ACKR4: variants seen among roughly 807,000 people sequenced by gnomAD.
The protein encoded by ACKR4 is atypical chemokine receptor 4, also known as C-C CKR-11.
ACKR4 carries 2 observed loss-of-function variants against 8.5 expected under a neutral mutation model. That is an observed-to-expected ratio of 0.23 (90% CI 0.10 to 0.74). ACKR4 has a LOEUF of 0.74. ACKR4 is among the 30% of genes least tolerant of loss of function. ACKR4 has a pLI of 0.75. For synonymous variants in ACKR4, 67 were observed against 145.0 expected, an observed-to-expected ratio of 0.46 and a Z score of 3.86; for missense variants, 167 against 422.1, an observed-to-expected ratio of 0.40 and a Z score of 5.30.
At chr3:132,599,439 G>A (rs768330667) in intron 1 of ACKR4, among the ~76,000 whole-genome samples, 7 of 151,886 alleles carry the variant, frequency 4.6e-5, no homozygotes, top group East Asian at 1.9e-4. Flanking sequence ...CCCGGGAGGC[G>A]GAGGTTGCAG....
intron 1 of ACKR4, among the ~76,000 whole-genome samples, chr3:132,598,786 T>C (rs1200754786): frequency 6.6e-6 from 1 of 151,704 alleles, no homozygotes; most frequent in Non-Finnish European, 1.5e-5. Flanking sequence ...GGACACAGAG[T>C]AGGGAGAGGT....
At chr3:132,599,611 AGAG>A (rs1466855065) in intron 1 of ACKR4, among the ~76,000 whole-genome samples, 5 of 152,288 alleles carry the variant, frequency 3.3e-5, no homozygotes, top group East Asian at 1.9e-4. Context: ...GTGCAGATTA[AGAG>A]GAGAAGACAG....
rs1470251450 is a variant in ACKR4, at chr3:132,602,266, T to G, written c.*816T>G. On this transcript the variant is annotated 3_prime_UTR_variant, in exon 2 of 2. Coordinates refer to ENST00000249887, the MANE Select transcript of ACKR4 (RefSeq NM_016557.4). ...TCCTGGTAAGTTCCTAAAGACATAA[T>G]TTGCTTCTATGATGTCAACTTTCTT... 6.0e-6 allele frequency: 1 copy of G among 166,960 alleles called. No individual in the cohort carries two copies. The highest frequency in any genetic ancestry group is 2.4e-5 in the African/African-American group (1 of 41,418). 10.3% of individuals were successfully genotyped at this position (166,960 alleles called of 1,614,324 possible).
Position 132,600,718 on chromosome 3 carries a change from A to C in ACKR4, c.321A>C (p.Leu107Phe). 1 of 1,613,948 alleles carries C rather than the reference A, an allele frequency of 6.2e-7. No individual in the cohort carries two copies. The highest frequency in any genetic ancestry group is 8.5e-7 in the Non-Finnish European group (1 of 1,179,864). ...TTAATGCAGTTCATGGGTGGGTTTTAGGGAAAATAATGTGCAAAATAACTT... is the reference window on the plus strand; with the variant it reads ...TTAATGCAGTTCATGGGTGGGTTTTCGGGAAAATAATGTGCAAAATAACTT... Reference protein sequence around the residue: ...WAVNAVHGWVLGKIMCKITSA... With the variant: ...WAVNAVHGWVFGKIMCKITSA... Residue 107 changes from leucine (L) to phenylalanine (F), a missense_variant, in exon 2 of 2, where the codon TTA (leucine) becomes TTC (phenylalanine). By Grantham distance (22) the Leu-to-Phe change is conservative. Coordinates refer to ENST00000249887, the MANE Select transcript of ACKR4 (RefSeq NM_016557.4).
rs140846310 is a variant in ACKR4, at chr3:132,599,616, AGAAGACAGATTCAAGACCTACTTG to A, written c.-9-768_-9-745del. ...GTGTGGAAGAGTGCAGATTAAGAGG[AGAAGACAGATTCAAGACCTACTTG>A]GAAGGCAGAATCAGAACTTGGGAAC... On this transcript the variant is annotated intron_variant, in intron 1 of 1. Transcript: ENST00000249887. Among the ~76,000 whole-genome samples the A allele has an allele frequency of 5.9e-3, 896 of 152,308 alleles. 7 individuals carry two copies. The highest frequency in any genetic ancestry group is 0.02 in the African/African-American group (837 of 41,582).
In ACKR4 at chr3:132,600,655, A is replaced by G. The variant is rs1322219749; in HGVS notation, c.258A>G (p.Ala86=). ...TDVYILNLAV[A]DLLLLFTLPF... is the part of the protein sequence containing the mutation. ...TGTACATCCTGAATTTGGCTGTAGC[A>G]GATTTACTCCTTCTATTCACTCTGC... Residue 86 remains alanine, a synonymous_variant, in exon 2 of 2, where the codon GCA becomes GCG. Coordinates refer to ENST00000249887, the MANE Select transcript of ACKR4 (RefSeq NM_016557.4). 2 of 1,613,728 alleles carry G rather than the reference A, an allele frequency of 1.2e-6. No homozygotes were observed. Among genetic ancestry groups the G allele is most frequent in the Admixed American group, 3.3e-5 (2 of 60,002 alleles).
chr3:132,598,334 C>T (rs1354194015), intron 1 of ACKR4, among the ~76,000 whole-genome samples: 1 of 152,188 alleles, frequency 6.6e-6, no homozygotes, highest in Non-Finnish European at 1.5e-5. Flanking sequence ...ACAATGTTGA[C>T]ATAGAAGATT....
intron 1 of ACKR4, among the ~76,000 whole-genome samples, chr3:132,599,017 G>C (rs1938446558): frequency 6.6e-6 from 1 of 152,156 alleles, no homozygotes; most frequent in Non-Finnish European, 1.5e-5. Flanking sequence ...CTATCAGTTA[G>C]AAAGATACTG....
intron 1 of ACKR4, among the ~76,000 whole-genome samples, chr3:132,597,534 C>T (rs1938370380): frequency 6.6e-6 from 1 of 151,404 alleles, no homozygotes. Flanking sequence ...ATTTTAAATG[C>T]CATTACTTGT....
At chr3:132,599,975 G>GAT (rs1319266624) in intron 1 of ACKR4, among the ~76,000 whole-genome samples, 4 of 151,892 alleles carry the variant, frequency 2.6e-5, no homozygotes, top group Admixed American at 2.6e-4. Context: ...ATTTGTTGTA[G>GAT]ATATACTTTT....
At position 132,602,217 on chromosome 3, in the gene ACKR4, C is replaced by T. The variant is rs1938639949; in HGVS notation, c.*767C>T. On this transcript the variant is annotated 3_prime_UTR_variant, in exon 2 of 2. Coordinates refer to ENST00000249887, the MANE Select transcript of ACKR4 (RefSeq NM_016557.4). ...TAAAAAAAAAACAAACTATAATAAG[C>T]TTTTCTGATTCTTTTCAAAACATTC... The T allele has an allele frequency of 6.0e-6, 1 of 166,430 alleles. No individual in the cohort carries two copies. The highest frequency in any genetic ancestry group is 1.5e-5 in the Non-Finnish European group (1 of 68,004). The allele number at this position is 166,430 out of a possible 1,614,324, so 10.3% of individuals were successfully genotyped here.
chr3:132,600,604 C>A lies in ACKR4; in HGVS notation c.207C>A (p.Tyr69Ter). Residue 69 changes from tyrosine (Y) to a stop codon, truncating the protein, a stop_gained, in exon 2 of 2, where the codon TAC (tyrosine) becomes TAA (stop). Transcript: ENST00000249887. LOFTEE classifies it low-confidence loss of function (END_TRUNC). Reference sequence around the variant, plus strand: ...TGGTAGTGGCAATTTATGCCTATTACAAGAAACAGAGAACCAAAACAGATG... The same window carrying A: ...TGGTAGTGGCAATTTATGCCTATTAAAAGAAACAGAGAACCAAAACAGATG... The part of the protein sequence containing the change: ...NSMVVAIYAY[Y>*]KKQRTKTDVY... 1 of 1,613,762 alleles carries A rather than the reference C, an allele frequency of 6.2e-7. No individual in the cohort carries two copies. The highest frequency in any genetic ancestry group is 1.1e-5 in the South Asian group (1 of 91,052).
chr3:132,600,454 T>C lies in ACKR4; in HGVS notation c.57T>C (p.Asn19=). 6.2e-7 allele frequency: 1 copy of C among 1,612,072 alleles called. No homozygotes were observed. Among genetic ancestry groups the C allele is most frequent in the Non-Finnish European group, 8.5e-7 (1 of 1,179,080 alleles). Residue 19 remains asparagine (N), a synonymous_variant, in exon 2 of 2, where the codon AAT becomes AAC. Transcript: ENST00000249887. ...ATTATTATGAGGAAAATGAAATGAATGGCACTTATGACTACAGTCAATATG... is the reference window on the plus strand; with the variant it reads ...ATTATTATGAGGAAAATGAAATGAACGGCACTTATGACTACAGTCAATATG... ...TDYYYEENEM[N]GTYDYSQYEL... is the part of the protein sequence containing the mutation.
At chr3:132,598,895 G>A (rs924142016) in intron 1 of ACKR4, among the ~76,000 whole-genome samples, 1 of 152,212 alleles carries the variant, frequency 6.6e-6, no homozygotes, top group African/African-American at 2.4e-5. Flanking sequence ...GTGTCTTCCA[G>A]ATGAGGAACA....
chr3:132,600,861 G>A lies in ACKR4; in HGVS notation c.464G>A (p.Trp155Ter), dbSNP rs554699378. The A allele has an allele frequency of 5.9e-5, 95 of 1,613,996 alleles. 1 individual carries two copies. In the South Asian group the frequency reaches 1.0e-3, roughly 17 times the overall value. ...CAATCAGGAGTGGGAAAACCATGCTGGATCATCTGTTTCTGTGTCTGGATG... is the reference window on the plus strand; with the variant it reads ...CAATCAGGAGTGGGAAAACCATGCTAGATCATCTGTTTCTGTGTCTGGATG... ...PSQSGVGKPC[W>*]IICFCVWMAA... The change falls in exon 2 of 2, where the codon TGG (tryptophan) becomes TAG (stop). Residue 155 changes from tryptophan to a stop codon, truncating the protein, a stop_gained. Transcript: ENST00000249887. LOFTEE classifies it low-confidence loss of function (END_TRUNC).
chr3:132,597,834 A>G (rs529653770), intron 1 of ACKR4, among the ~76,000 whole-genome samples: 2 of 152,246 alleles, frequency 1.3e-5, no homozygotes, highest in South Asian at 4.1e-4. Flanking sequence ...ATGAAAGAGA[A>G]AGGAAGAACA....
chr3:132,600,341 T>A, intron 1 of ACKR4, 48 bp from the exon 2 acceptor site: 1 of 1,436,472 alleles, frequency 7.0e-7, no homozygotes, highest in South Asian at 1.5e-5. Flanking sequence ...TGTTTCCTTT[T>A]AAGCATATTT....
rs1938354616 is a variant in ACKR4 at position 132,597,308 on chromosome 3, C to T, written c.-25C>T. 1 of 152,166 alleles carries T rather than the reference C, an allele frequency of 6.6e-6. No homozygotes were observed. The highest frequency in any genetic ancestry group is 2.4e-5 in the African/African-American group (1 of 41,438). The allele number at this position is 152,166 out of a possible 1,614,324, so 9.4% of individuals were successfully genotyped here. ...ACTCTGTACTCAAGACTGCTCCTCT[C>T]TGCCGACTACAACAGGTTGGTACTT... On this transcript the variant is annotated 5_prime_UTR_variant, in exon 1 of 2. Transcript: ENST00000249887.
At chr3:132,599,531 T>TA (rs1269318483) in intron 1 of ACKR4, among the ~76,000 whole-genome samples, 9 of 151,900 alleles carry the variant, frequency 5.9e-5, no homozygotes, top group African/African-American at 2.2e-4. Flanking sequence ...TATTAAATAT[T>TA]AAAAAAGAAA....
Sources: allele counts gnomAD v4.1 joint callset (sites outside exome capture counted in the v4.1 genomes callset), GRCh38; gene constraint gnomAD v4.1.1; transcripts MANE v1.5; gene names NCBI Gene and HGNC (gene_info 2026-07-23, HGNC 2026-07-21).